Variants in SPX observed in about 807,000 individuals in gnomAD.
SPX encodes spexin.
SPX carries 22 observed loss-of-function variants against 19.2 expected under a neutral mutation model. The ratio of observed to expected loss-of-function variants is 1.15; its 90% CI spans 0.82 to 1.64. SPX has a LOEUF of 1.64. Ranked by LOEUF, SPX falls within the 40% of genes most tolerant of loss-of-function variation. The pLI is 0.00. For missense variants in SPX, 143 were observed against 137.7 expected (o/e 1.04, Z -0.19); for synonymous variants, 50 against 53.3 (o/e 0.94, Z 0.27).
chr12:21,528,488 A>AAC (rs1203408865), intron 4 of SPX, among the ~76,000 whole-genome samples: 1 of 152,186 alleles, frequency 6.6e-6, no homozygotes, highest in Non-Finnish European at 1.5e-5. Context: ...AAAAATACCA[A>AAC]ACACTGTTGA....
intron 3 of SPX, 105 bp from the exon 4 acceptor site, chr12:21,527,622 C>T: frequency 1.7e-6 from 2 of 1,168,114 alleles, no homozygotes; most frequent in South Asian, 1.4e-5. Flanking sequence ...AGCAACCTGC[C>T]CCCTCCCCAC....
intron 4 of SPX, among the ~76,000 whole-genome samples, chr12:21,528,679 G>A (rs7313823): frequency 0.95 from 143,996 of 152,280 alleles, 68,628 homozygotes; most frequent in East Asian, 1. Flanking sequence ...ATAACTTTGA[G>A]TTCTTAGCAG....
chr12:21,531,173 A>G lies in SPX; in HGVS notation c.329A>G (p.Glu110Gly). ...EKNFDQTRFL[E>G]DSLLNW ...AACTTTGATCAAACCAGATTCCTGGAAGACAGTCTGCTTAACTGGTGAAAA... is the reference window on the plus strand; with the variant it reads ...AACTTTGATCAAACCAGATTCCTGGGAGACAGTCTGCTTAACTGGTGAAAA... Residue 110 changes from glutamate (E) to glycine (G), a missense_variant, in exon 6 of 6, where the codon GAA becomes GGA. Glu to Gly is a moderately conservative substitution (Grantham distance 98). Coordinates refer to ENST00000256969, the MANE Select transcript of SPX (RefSeq NM_030572.4). 1 of 1,595,998 alleles carries G rather than the reference A, an allele frequency of 6.3e-7. No homozygotes were observed. The highest frequency in any genetic ancestry group is 8.5e-7 in the Non-Finnish European group (1 of 1,169,832).
chr12:21,526,808 T>A, intron 1 of SPX, 78 bp from the exon 2 acceptor site: 1 of 1,352,646 alleles, frequency 7.4e-7, no homozygotes, highest in South Asian at 1.2e-5. Context: ...GGGTTTATAA[T>A]TGTCCAGGCG....
chr12:21,529,874 T>A (rs767674069), intron 5 of SPX, among the ~76,000 whole-genome samples: 1 of 152,182 alleles, frequency 6.6e-6, no homozygotes, highest in Non-Finnish European at 1.5e-5. Flanking sequence ...CCCAGCGATT[T>A]TTGGAGTCAG....
intron 5 of SPX, 69 bp downstream of exon 5, chr12:21,529,153 G>T: frequency 2.1e-6 from 3 of 1,448,728 alleles, no homozygotes; most frequent in Non-Finnish European, 2.9e-6. Context: ...ATTCTGTGTT[G>T]AGTGCAACAC....
Position 21,531,222 on chromosome 12 carries a change from G to T in SPX, c.*27G>T. The T allele has an allele frequency of 6.7e-7, 1 of 1,498,670 alleles. No individual in the cohort carries two copies. The highest frequency in any genetic ancestry group is 9.1e-7 in the Non-Finnish European group (1 of 1,097,256). 92.8% of individuals were successfully genotyped at this position (1,498,670 alleles called of 1,614,324 possible). On this transcript the variant is annotated 3_prime_UTR_variant, in exon 6 of 6. Coordinates refer to ENST00000256969, the MANE Select transcript of SPX (RefSeq NM_030572.4). ...AATATACTGGATTATGTTTAATTAT[G>T]GTTCTATTCTCTTTGAAAACATGAA... is the stretch of plus-strand genomic sequence containing the variant.
chr12:21,528,925 C>A, intron 4 of SPX, 76 bp from the exon 5 acceptor site: 2 of 1,307,328 alleles, frequency 1.5e-6, no homozygotes, highest in Non-Finnish European at 2.2e-6. Flanking sequence ...TCTAGTATTG[C>A]TGCATGTTAG....
In SPX at chr12:21,526,418, C is replaced by T. The variant is rs1387793829; in HGVS notation, c.-55C>T. ...AAAGCTCCAATTTCAGAGCAAGAGT[C>T]GAAAACTCACAGATAAAGTTATAGT... On this transcript the variant is annotated 5_prime_UTR_variant, in exon 1 of 6. Transcript: ENST00000256969. 1.0e-5 allele frequency: 16 copies of T among 1,542,374 alleles called. No individual in the cohort carries two copies. The highest frequency in any genetic ancestry group is 2.7e-5 in the African/African-American group (2 of 73,520).
chr12:21,530,873 C>T (rs774315522), intron 5 of SPX, among the ~76,000 whole-genome samples: 1 of 152,054 alleles, frequency 6.6e-6, no homozygotes, highest in Non-Finnish European at 1.5e-5. Flanking sequence ...GAGATTTTTA[C>T]CAGACATACC....
intron 3 of SPX, chr12:21,527,507 C>T (rs1591768358): frequency 8.2e-6 from 5 of 611,838 alleles, no homozygotes; most frequent in Non-Finnish European, 1.4e-5. Context: ...TTGCGGCGTC[C>T]GGTCAGGCGC....
Position 21,527,142 on chromosome 12 carries a change from T to TG in SPX, c.97dup (p.Glu33GlyfsTer67), listed in dbSNP as rs773501169. 6.8e-6 allele frequency: 11 copies of TG among 1,613,986 alleles called. No homozygotes were observed. In the South Asian group the frequency reaches 8.8e-5, roughly 13 times the overall value. Reference sequence around the variant, plus strand: ...CCTTCCCCCGGGCTATAGAGACTGTTGGAGAGAAGGAACTGGACTCCTCAA... The same window carrying TG: ...CCTTCCCCCGGGCTATAGAGACTGTTGGGAGAGAAGGAACTGGACTCCTCAA... On this transcript the variant is annotated frameshift_variant, in exon 3 of 6. Coordinates refer to ENST00000256969, the MANE Select transcript of SPX (RefSeq NM_030572.4). LOFTEE classifies it high-confidence loss of function.
chr12:21,531,064 C>A, intron 5 of SPX, 73 bp from the exon 6 acceptor site: 1 of 917,218 alleles, frequency 1.1e-6, no homozygotes, highest in Non-Finnish European at 1.7e-6. Flanking sequence ...TCCTGAGATT[C>A]TCTTTGTCTT....
At position 21,531,181 on chromosome 12, in the gene SPX, C is replaced by G. The variant is rs749281761; in HGVS notation, c.337C>G (p.Leu113Val). 1 of 1,593,504 alleles carries G rather than the reference C, an allele frequency of 6.3e-7. No individual in the cohort carries two copies. Among genetic ancestry groups the G allele is most frequent in the Non-Finnish European group, 8.6e-7 (1 of 1,168,266 alleles). ...FDQTRFLEDS[L>V]LNW The stretch of plus-strand genomic sequence containing the variant: ...TCAAACCAGATTCCTGGAAGACAGT[C>G]TGCTTAACTGGTGAAAATATACTGG... The change falls in exon 6 of 6, where the codon CTG becomes GTG. Residue 113 changes from leucine to valine, a missense_variant. By Grantham distance (32) the Leu-to-Val change is conservative. Transcript: ENST00000256969.
chr12:21,527,657 A>G (rs1943827079), intron 3 of SPX, 70 bp from the exon 4 acceptor site: 8 of 1,449,448 alleles, frequency 5.5e-6, no homozygotes, highest in Non-Finnish European at 7.6e-6. Context: ...CTGTGCCGGG[A>G]GGAGCTGAGG....
Position 21,526,974 on chromosome 12 carries a change from A to G in SPX, c.87+8A>G. ...TCCAGCTGCGCTCCGCAGGTAATCAAATGCAAAATAAAAAATTTTAAAACA... is the reference window on the plus strand; with the variant it reads ...TCCAGCTGCGCTCCGCAGGTAATCAGATGCAAAATAAAAAATTTTAAAACA... On this transcript the variant is annotated splice_region_variant and intron_variant, in intron 2 of 5. Coordinates refer to ENST00000256969, the MANE Select transcript of SPX (RefSeq NM_030572.4). The G allele has an allele frequency of 6.2e-7, 1 of 1,613,628 alleles. No individual in the cohort carries two copies.
chr12:21,528,817 G>GT (rs1943838253), intron 4 of SPX, among the ~76,000 whole-genome samples, 184 bp from the exon 5 acceptor site: 1 of 152,094 alleles, frequency 6.6e-6, no homozygotes, highest in Non-Finnish European at 1.5e-5. Context: ...ATAACCAATT[G>GT]TAAGTCATTT....
At chr12:21,526,532 T>G in intron 1 of SPX, 54 bp downstream of exon 1, 1 of 1,513,306 alleles carries the variant, frequency 6.6e-7, no homozygotes, top group Non-Finnish European at 9.1e-7. Context: ...TAAAACGTTT[T>G]ATAGCATTTT....
intron 5 of SPX, 62 bp downstream of exon 5, chr12:21,529,146 C>A: frequency 6.6e-7 from 1 of 1,513,418 alleles, no homozygotes; most frequent in African/African-American, 1.4e-5. Context: ...TTTCGGGATT[C>A]TGTGTTGAGT....
Sources: allele counts gnomAD v4.1 joint callset (sites outside exome capture counted in the v4.1 genomes callset), GRCh38; gene constraint gnomAD v4.1.1; transcripts MANE v1.5; gene names NCBI Gene and HGNC (gene_info 2026-07-23, HGNC 2026-07-21).